The following RIMS2 variants were observed in gnomAD, a reference collection of about 807,000 sequenced individuals.
RIMS2 encodes regulating synaptic membrane exocytosis 2.
In RIMS2, 59 loss-of-function variants were observed where a neutral mutation model predicts 174.4. The ratio of observed to expected loss-of-function variants is 0.34; its 90% confidence interval spans 0.27 to 0.42. RIMS2 has a LOEUF of 0.42. RIMS2 is among the 10% of genes least tolerant of loss of function. The probability of loss-of-function intolerance (pLI) is 1.00; values close to 1 mark genes in which losing one functional copy is unlikely to be tolerated. For missense variants in RIMS2, 1,620 were observed against 1,666.3 expected (o/e 0.97, Z 0.48); for synonymous variants, 606 against 572.5 (o/e 1.06, Z -0.84).
chr8:104,104,816 G>C (rs1279795976), intron 19 of RIMS2, among the ~76,000 whole-genome samples: 1 of 151,512 alleles, frequency 6.6e-6, no homozygotes, highest in Non-Finnish European at 1.5e-5. Flanking sequence ...TGAGGCAAAG[G>C]CTGCAGTGAG....
intron 1 of RIMS2, among the ~76,000 whole-genome samples, chr8:103,531,994 A>G (rs1837408015): frequency 6.6e-6 from 1 of 152,370 alleles, no homozygotes; most frequent in Non-Finnish European, 1.5e-5. Context: ...GGCATGAATT[A>G]TATGCAATAA....
chr8:103,932,361 G>A (rs1213666950), intron 12 of RIMS2, among the ~76,000 whole-genome samples: 1 of 152,180 alleles, frequency 6.6e-6, no homozygotes, highest in East Asian at 1.9e-4. Flanking sequence ...CAAAAGAATA[G>A]ACAATGAACA....
intron 2 of RIMS2, among the ~76,000 whole-genome samples, chr8:103,754,620 G>C (rs576934691): frequency 1.3e-5 from 2 of 152,264 alleles, no homozygotes; most frequent in East Asian, 3.9e-4. Context: ...ATCCTGTATT[G>C]AGTATATATA....
At chr8:104,215,940 A>G (rs1451909569) in intron 19 of RIMS2, among the ~76,000 whole-genome samples, 4 of 152,218 alleles carry the variant, frequency 2.6e-5, no homozygotes, top group Non-Finnish European at 5.9e-5. Flanking sequence ...TTCCATTTTC[A>G]GTTTTCTTTG....
chr8:103,545,054 A>G (rs1440942832), intron 1 of RIMS2, among the ~76,000 whole-genome samples: 1 of 152,254 alleles, frequency 6.6e-6, no homozygotes, highest in African/African-American at 2.4e-5. Context: ...AATGACTGCA[A>G]TGTCAGAAAT....
chr8:104,070,160 A>T (rs918477797), intron 19 of RIMS2, among the ~76,000 whole-genome samples: 1 of 152,220 alleles, frequency 6.6e-6, no homozygotes, highest in Non-Finnish European at 1.5e-5. Flanking sequence ...CATATGTACC[A>T]GTTTCTAGCT....
At chr8:104,230,866 C>A (rs1041574977) in intron 19 of RIMS2, among the ~76,000 whole-genome samples, 1 of 151,020 alleles carries the variant, frequency 6.6e-6, no homozygotes, top group African/African-American at 2.5e-5. Context: ...GAATGTCAGC[C>A]CAAGGTTGGA....
At chr8:103,802,281 G>A (rs917525318) in intron 3 of RIMS2, among the ~76,000 whole-genome samples, 5 of 152,072 alleles carry the variant, frequency 3.3e-5, no homozygotes, top group East Asian at 1.9e-4. Context: ...TGATATTTGC[G>A]TATATGCTCA....
chr8:104,023,520 A>T (rs2096166393), intron 19 of RIMS2, among the ~76,000 whole-genome samples: 1 of 152,208 alleles, frequency 6.6e-6, no homozygotes, highest in East Asian at 1.9e-4. Flanking sequence ...TTCAATAATG[A>T]CATCCAGGTT....
At chr8:104,200,787 A>T (rs977186003) in intron 19 of RIMS2, among the ~76,000 whole-genome samples, 2 of 152,030 alleles carry the variant, frequency 1.3e-5, no homozygotes, top group Admixed American at 1.3e-4. Flanking sequence ...CATGGCACAC[A>T]CCTGTAGTCC....
intron 1 of RIMS2, among the ~76,000 whole-genome samples, chr8:103,590,961 G>A (rs768662317): frequency 4.0e-5 from 6 of 150,810 alleles, no homozygotes; most frequent in Non-Finnish European, 7.5e-5. Context: ...ATGAGAAATT[G>A]CCAGGCCTTT....
chr8:103,885,413 G>T, exon 4 of RIMS2: 1 of 1,612,140 alleles, frequency 6.2e-7, no homozygotes, highest in Non-Finnish European at 8.5e-7. Context: ...ATCTCCATCA[G>T]ATTATGCTGA....
At chr8:103,731,059 A>G (rs2097586031) in intron 2 of RIMS2, among the ~76,000 whole-genome samples, 1 of 152,122 alleles carries the variant, frequency 6.6e-6, no homozygotes, top group Non-Finnish European at 1.5e-5. Flanking sequence ...AAACCATCAG[A>G]TCTTGTGAGA....
chr8:104,194,568 T>C (rs188919858), intron 19 of RIMS2, among the ~76,000 whole-genome samples: 4 of 152,314 alleles, frequency 2.6e-5, no homozygotes, highest in African/African-American at 7.2e-5. Flanking sequence ...TTGGATATAT[T>C]CAGTCACTCA....
At chr8:103,540,379 G>A (rs1841987538) in intron 1 of RIMS2, among the ~76,000 whole-genome samples, 1 of 152,176 alleles carries the variant, frequency 6.6e-6, no homozygotes, top group Admixed American at 6.5e-5. Context: ...TGGCCGCTGA[G>A]GATCCTTGCA....
intron 3 of RIMS2, among the ~76,000 whole-genome samples, chr8:103,809,092 A>G (rs1193364957): frequency 6.6e-6 from 1 of 152,040 alleles, no homozygotes; most frequent in African/African-American, 2.4e-5. Flanking sequence ...TTCTCCAGCT[A>G]TTTGATTTCT....
intron 2 of RIMS2, among the ~76,000 whole-genome samples, chr8:103,708,352 C>G (rs977621255): frequency 1.3e-5 from 2 of 152,180 alleles, no homozygotes; most frequent in Non-Finnish European, 2.9e-5. Context: ...ATGTTCCACT[C>G]TAAGCATATA....
At chr8:104,069,693 C>T (rs937815628) in intron 19 of RIMS2, among the ~76,000 whole-genome samples, 1 of 152,006 alleles carries the variant, frequency 6.6e-6, no homozygotes, top group Non-Finnish European at 1.5e-5. Context: ...TGGTCTCAAA[C>T]TCCTGACCTG....
At chr8:103,596,781 A>C (rs1053589106) in intron 1 of RIMS2, among the ~76,000 whole-genome samples, 4 of 145,208 alleles carry the variant, frequency 2.8e-5, no homozygotes, top group Admixed American at 1.3e-4. Flanking sequence ...AAAATAAAAT[A>C]ATAATAAGAA....
Sources: allele counts gnomAD v4.1 joint callset (sites outside exome capture counted in the v4.1 genomes callset), GRCh38; gene constraint gnomAD v4.1.1; transcripts MANE v1.5; gene names NCBI Gene and HGNC (gene_info 2026-07-23, HGNC 2026-07-21).